Variants in LNX2 observed in about 807,000 individuals in gnomAD.
LNX2 encodes the protein ligand of numb-protein X 2.
LNX2 carries 35 observed loss-of-function variants against 66.2 expected under a neutral mutation model. The ratio of observed to expected loss-of-function variants is 0.53; its 90% CI spans 0.40 to 0.70. LNX2 has a LOEUF of 0.70. Ranked by LOEUF, LNX2 falls within the 30% of genes least tolerant of loss-of-function variation. LNX2 has a pLI of 0.00. For missense variants in LNX2, 791 were observed against 850.8 expected, an observed-to-expected ratio of 0.93 and a Z score of 0.87; for synonymous variants, 337 against 315.6, an observed-to-expected ratio of 1.07 and a Z score of -0.72.
chr13:27,616,192 G>GT (rs1453479215), intron 1 of LNX2, among the ~76,000 whole-genome samples: 1 of 150,666 alleles, frequency 6.6e-6, no homozygotes, highest in African/African-American at 2.4e-5. Flanking sequence ...GGGGTTGGGG[G>GT]GGGTAGCAGG....
intron 1 of LNX2, among the ~76,000 whole-genome samples, chr13:27,615,288 T>C (rs1237755259): frequency 6.6e-6 from 1 of 152,150 alleles, no homozygotes; most frequent in Non-Finnish European, 1.5e-5. Context: ...CAGTTTATTA[T>C]AAAAGATATT....
chr13:27,614,765 A>G (rs1032255448), intron 1 of LNX2, among the ~76,000 whole-genome samples: 1 of 152,222 alleles, frequency 6.6e-6, no homozygotes, highest in African/African-American at 2.4e-5. Context: ...GGTCTAAATG[A>G]TAAGGGTTCT....
At position 27,607,723 on chromosome 13, in the gene LNX2, A is replaced by C. The variant is rs566299660; in HGVS notation, c.-101+12652T>G. ...TTCTATATGCCTTGTTTTGACTCTT[A>C]ATTATTTCCAGTTTTCACTATTTAA... is the stretch of plus-strand genomic sequence containing the variant. On this transcript the variant is annotated intron_variant, in intron 1 of 9. Coordinates refer to ENST00000316334, the MANE Select transcript of LNX2 (RefSeq NM_153371.4). 2.0e-5 allele frequency among the ~76,000 whole-genome samples: 3 copies of C among 152,298 alleles called. No individual in the cohort carries two copies. In the South Asian group the frequency reaches 6.2e-4, roughly 32 times the overall value.
intron 1 of LNX2, among the ~76,000 whole-genome samples, chr13:27,583,202 GT>G (rs1955424766): frequency 1.3e-4 from 2 of 15,094 alleles, no homozygotes; most frequent in African/African-American, 3.5e-4. Context: ...GTGTGTGTGT[GT>G]GTGTGTGTGT....
intron 4 of LNX2, among the ~76,000 whole-genome samples, chr13:27,564,789 A>ATATT (rs1566118345): frequency 6.6e-6 from 1 of 152,176 alleles, no homozygotes; most frequent in African/African-American, 2.4e-5. Flanking sequence ...TCACTGTGTT[A>ATATT]TATTTATTTA....
chr13:27,583,595 G>A lies in LNX2; in HGVS notation c.-100-1792C>T, dbSNP rs140876833. Among the ~76,000 whole-genome samples, 479 of 152,156 alleles carry A rather than the reference G, an allele frequency of 3.1e-3. 3 individuals carry two copies. Among genetic ancestry groups the A allele is most frequent in the Non-Finnish European group, 5.6e-3 (378 of 67,994 alleles). ...TTAGAGCAGCCTCCTCCAGGGTAGC[G>A]CGAGCCTAGCCAGGAATGCTCCCCT... On this transcript the variant is annotated intron_variant, in intron 1 of 9. Coordinates refer to ENST00000316334, the MANE Select transcript of LNX2 (RefSeq NM_153371.4).
chr13:27,560,587 C>CTATAT (rs1313161860), intron 5 of LNX2, among the ~76,000 whole-genome samples: 2 of 69,382 alleles, frequency 2.9e-5, no homozygotes, highest in African/African-American at 8.6e-5. Context: ...ATATATATAG[C>CTATAT]ATACTTGTGT....
chr13:27,604,225 G>A (rs60241834), intron 1 of LNX2, among the ~76,000 whole-genome samples: 2,635 of 152,296 alleles, frequency 0.017, 64 homozygotes, highest in South Asian at 0.11. Context: ...CAGCCTGGGC[G>A]ACAGAGCGAG....
rs1295830624 is a variant in LNX2 at position 27,547,325 on chromosome 13, CAAGT to C, written c.*1006_*1009del. 6.6e-6 allele frequency: 1 copy of C among 152,130 alleles called. No homozygotes were observed. Among genetic ancestry groups the C allele is most frequent in the African/African-American group, 2.4e-5 (1 of 41,434 alleles). 9.4% of individuals were successfully genotyped at this position (152,130 alleles called of 1,614,324 possible). On this transcript the variant is annotated 3_prime_UTR_variant, in exon 10 of 10. Coordinates refer to ENST00000316334, the MANE Select transcript of LNX2 (RefSeq NM_153371.4). ...AGATTTTTAATGCTTTTGGGCTGTT[CAAGT>C]AAGTGCAGCTTTACCATCTCTAACA...
chr13:27,569,515 G>T (rs1480708489), intron 2 of LNX2, among the ~76,000 whole-genome samples: 1 of 152,160 alleles, frequency 6.6e-6, no homozygotes, highest in Non-Finnish European at 1.5e-5. Context: ...CAAAGAATAC[G>T]TCAGTAAAAA....
intron 1 of LNX2, among the ~76,000 whole-genome samples, chr13:27,614,534 G>T (rs1955807036): frequency 6.6e-6 from 1 of 151,290 alleles, no homozygotes; most frequent in South Asian, 2.1e-4. Context: ...CAAATGCTCA[G>T]GTAGGCTGAT....
intron 2 of LNX2, among the ~76,000 whole-genome samples, chr13:27,574,505 A>T (rs1272169138): frequency 6.6e-6 from 1 of 151,980 alleles, no homozygotes; most frequent in East Asian, 1.9e-4. Flanking sequence ...GTTTATTGAG[A>T]TCATCCAGTC....
chr13:27,582,961 T>C (rs1955418174), intron 1 of LNX2, among the ~76,000 whole-genome samples: 1 of 152,100 alleles, frequency 6.6e-6, no homozygotes. Flanking sequence ...TTGAATACTC[T>C]CTCCATATGT....
At chr13:27,575,772 T>C (rs1239093867) in intron 2 of LNX2, among the ~76,000 whole-genome samples, 1 of 152,214 alleles carries the variant, frequency 6.6e-6, no homozygotes, top group Admixed American at 6.5e-5. Flanking sequence ...AAAATGAAGC[T>C]GGTATTCATT....
chr13:27,581,506 T>C lies in LNX2; in HGVS notation c.198A>G (p.Gly66=). The part of the protein sequence containing the change: ...PLLQPLDTPC[G]HTFCYKCLRN... ...TGAGGCACTTGTAGCAGAATGTATGTCCACAGGGTGTGTCTAGTGGCTGCA... is the reference window on the plus strand; with the variant it reads ...TGAGGCACTTGTAGCAGAATGTATGCCCACAGGGTGTGTCTAGTGGCTGCA... The change falls in exon 2 of 10, where the codon GGA becomes GGG. Residue 66 remains glycine, a synonymous_variant. Coordinates refer to ENST00000316334, the MANE Select transcript of LNX2 (RefSeq NM_153371.4). 6.2e-7 allele frequency: 1 copy of C among 1,613,916 alleles called. No individual in the cohort carries two copies. Among genetic ancestry groups the C allele is most frequent in the Non-Finnish European group, 8.5e-7 (1 of 1,179,886 alleles).
chr13:27,598,515 T>C (rs1955623481), intron 1 of LNX2, among the ~76,000 whole-genome samples: 1 of 152,146 alleles, frequency 6.6e-6, no homozygotes, highest in Non-Finnish European at 1.5e-5. Context: ...CTAACATTTA[T>C]TTAGAACTTA....
intron 1 of LNX2, 55 bp downstream of exon 1, chr13:27,620,301 CGCCCGCACCTGAGGCGGCT>C (rs1181728251): frequency 6.6e-6 from 1 of 152,160 alleles, no homozygotes; most frequent in Non-Finnish European, 1.5e-5. Flanking sequence ...ACCCAGCTGA[CGCCCGCACCTGAGGCGGCT>C]GCCCGCAGCC....
Position 27,548,284 on chromosome 13 carries a change from T to G in LNX2, c.*51A>C. 1 of 1,580,012 alleles carries G rather than the reference T, an allele frequency of 6.3e-7. No individual in the cohort carries two copies. The highest frequency in any genetic ancestry group is 8.6e-7 in the Non-Finnish European group (1 of 1,158,500). Reference sequence around the variant, plus strand: ...ACACAATGAAACCAAAGGGTTTTCTTTCAAAAATCTAAAAAAGGAAGATGC... The same window carrying G: ...ACACAATGAAACCAAAGGGTTTTCTGTCAAAAATCTAAAAAAGGAAGATGC... On this transcript the variant is annotated 3_prime_UTR_variant, in exon 10 of 10. Coordinates refer to ENST00000316334, the MANE Select transcript of LNX2 (RefSeq NM_153371.4).
Position 27,562,642 on chromosome 13 carries a change from G to C in LNX2, c.995C>G (p.Ser332Cys). ...NRAHNHSDSN[S>C]PREEIFQVAL... ...CACTTGGAAAATCTCTTCTCGTGGA[G>C]AGTTACTATCAGAATGGTTGTGTGC... Residue 332 changes from serine to cysteine, a missense_variant, in exon 5 of 10, where the codon TCT (serine) becomes TGT (cysteine). By Grantham distance (112) the Ser-to-Cys change is moderately radical (BLOSUM62 -1). Coordinates refer to ENST00000316334, the MANE Select transcript of LNX2 (RefSeq NM_153371.4). The C allele has an allele frequency of 6.2e-7, 1 of 1,614,182 alleles. No homozygotes were observed. Among genetic ancestry groups the C allele is most frequent in the Non-Finnish European group, 8.5e-7 (1 of 1,180,046 alleles).
Sources: gnomAD v4.1 joint callset for allele counts (sites outside exome capture counted in the v4.1 genomes callset) on GRCh38, gnomAD v4.1.1 for gene constraint, MANE v1.5 for transcripts, NCBI Gene and HGNC (gene_info 2026-07-23, HGNC 2026-07-21) for gene names.